Variants in RANBP17 observed in about 807,000 individuals in gnomAD.
The protein encoded by RANBP17 is ran-binding protein 17.
In RANBP17, 158 loss-of-function variants were observed where a neutral mutation model predicts 141.2. The observed-to-expected ratio is 1.12, with a 90% CI of 0.98 to 1.28. The LOEUF (loss-of-function observed/expected upper bound fraction) is 1.28. Ranked by LOEUF, RANBP17 falls within the 50% of genes most tolerant of loss-of-function variation. RANBP17 has a pLI of 0.00. For synonymous variants in RANBP17, 430 were observed against 450.0 expected, an observed-to-expected ratio of 0.96 and a Z score of 0.56; for missense variants, 1,438 against 1,290.7, an observed-to-expected ratio of 1.11 and a Z score of -1.75.
At chr5:170,914,654 C>A (rs1300741044) in intron 8 of RANBP17, among the ~76,000 whole-genome samples, 1 of 152,176 alleles carries the variant, frequency 6.6e-6, no homozygotes, top group Admixed American at 6.5e-5. Context: ...CTGTCCCCTT[C>A]AGATCTCTGA....
chr5:170,951,814 A>G (rs184434376), intron 12 of RANBP17, among the ~76,000 whole-genome samples: 2 of 152,062 alleles, frequency 1.3e-5, no homozygotes, highest in South Asian at 4.1e-4. Context: ...GAGTTGTGAG[A>G]TTCATCTTTG....
rs934865739 is a variant in RANBP17 at position 171,270,967 on chromosome 5, A to G, written c.2943+5120A>G. ...GGTTGAATTCATCTTACTCTTGTCT[A>G]TTTATCTATTTTGCTCAAATCAACT... On this transcript the variant is annotated intron_variant, in intron 25 of 27. Transcript: ENST00000523189. Among the ~76,000 whole-genome samples the G allele has an allele frequency of 2.0e-5, 3 of 149,660 alleles. No homozygotes were observed. The East Asian group carries it at 5.9e-4, about 30-fold the overall frequency.
intron 4 of RANBP17, among the ~76,000 whole-genome samples, chr5:170,894,855 T>C (rs1356299825): frequency 1.3e-5 from 2 of 152,172 alleles, no homozygotes; most frequent in Non-Finnish European, 2.9e-5. Flanking sequence ...GCCTTCTTCA[T>C]TGAGAAAGAC....
chr5:171,262,568 T>C (rs151048066), intron 24 of RANBP17, among the ~76,000 whole-genome samples: 357 of 152,348 alleles, frequency 2.3e-3, no homozygotes, highest in Non-Finnish European at 4.0e-3. Context: ...CCATGTGATA[T>C]TTGATATAGG....
At chr5:171,242,914 GA>G (rs749128487) in intron 24 of RANBP17, 94 bp downstream of exon 24, 8 of 1,179,340 alleles carry the variant, frequency 6.8e-6, no homozygotes, top group Non-Finnish European at 9.8e-6. Context: ...TACAAAGGGG[GA>G]AAAGATATTG....
chr5:171,055,392 C>G (rs573457756), intron 14 of RANBP17, among the ~76,000 whole-genome samples: 45 of 152,266 alleles, frequency 3.0e-4, no homozygotes, highest in African/African-American at 1.0e-3. Context: ...ATTTTTCTCT[C>G]TCCAGTCTCC....
Position 170,896,055 on chromosome 5 carries a change from T to C in RANBP17, c.429T>C (p.Thr143=), listed in dbSNP as rs1034013331. ...CTTTGTTATTTTCTCCAAAGGGTAC[T>C]GTGGAACACTGCATAATAGGAGTAA... ...IADVKKFLQG[T]VEHCIIGVII... is the part of the protein sequence containing the mutation. The change falls in exon 5 of 28, where the codon ACT becomes ACC. Residue 143 remains threonine, a synonymous_variant. Coordinates refer to ENST00000523189, the MANE Select transcript of RANBP17 (RefSeq NM_022897.5). 1 of 1,599,142 alleles carries C rather than the reference T, an allele frequency of 6.3e-7. No individual in the cohort carries two copies. Among genetic ancestry groups the C allele is most frequent in the Non-Finnish European group, 8.5e-7 (1 of 1,172,718 alleles).
chr5:171,230,530 G>T (rs1764146951), intron 22 of RANBP17, among the ~76,000 whole-genome samples: 1 of 152,150 alleles, frequency 6.6e-6, no homozygotes, highest in Admixed American at 6.5e-5. Context: ...GAAGGCCGAG[G>T]CGTGTGGATC....
chr5:171,151,593 T>C (rs1340561153), intron 14 of RANBP17, among the ~76,000 whole-genome samples: 1 of 152,198 alleles, frequency 6.6e-6, no homozygotes, highest in Non-Finnish European at 1.5e-5. Flanking sequence ...ATATCTGGGC[T>C]ACATTTCTAA....
chr5:170,904,372 A>C, intron 5 of RANBP17: 1 of 188,414 alleles, frequency 5.3e-6, no homozygotes, highest in East Asian at 1.5e-4. Flanking sequence ...TGTTTTTATC[A>C]GCACTCATAC....
chr5:171,252,640 C>T lies in RANBP17; in HGVS notation c.2776+9820C>T, dbSNP rs188104302. On this transcript the variant is annotated intron_variant, in intron 24 of 27. Transcript: ENST00000523189. ...TCATCGATTTACAAAACTCTCTTAC[C>T]AGGTAGTTTTTCCTTTAAAACTTAG... is the stretch of plus-strand genomic sequence containing the variant. 6.6e-6 allele frequency: 9 copies of T among 1,361,838 alleles called. No homozygotes were observed. The Admixed American group carries it at 8.4e-5, about 13-fold the overall frequency. 84.4% of individuals were successfully genotyped at this position (1,361,838 alleles called of 1,614,324 possible).
intron 14 of RANBP17, chr5:170,970,580 GA>G (rs1282787635): frequency 6.6e-6 from 1 of 152,086 alleles, no homozygotes; most frequent in African/African-American, 2.4e-5. Context: ...TCCATTATTG[GA>G]ACGCTAAGCA....
intron 14 of RANBP17, among the ~76,000 whole-genome samples, chr5:170,978,062 A>G (rs908358159): frequency 2.0e-5 from 3 of 152,268 alleles, no homozygotes; most frequent in South Asian, 2.1e-4. Flanking sequence ...TTCAACAAGC[A>G]CTGAAAAAAG....
chr5:171,142,165 T>C (rs1218161252), intron 14 of RANBP17, among the ~76,000 whole-genome samples: 1 of 152,222 alleles, frequency 6.6e-6, no homozygotes, highest in Non-Finnish European at 1.5e-5. Context: ...TTTTTAATGA[T>C]AATAGAGCTT....
At chr5:171,015,989 A>T (rs1465068835) in intron 14 of RANBP17, among the ~76,000 whole-genome samples, 1 of 152,038 alleles carries the variant, frequency 6.6e-6, no homozygotes, top group Non-Finnish European at 1.5e-5. Context: ...GATCCCCTTC[A>T]CATCTCTAGA....
intron 14 of RANBP17, among the ~76,000 whole-genome samples, chr5:171,156,669 A>T (rs1758923731): frequency 6.6e-6 from 1 of 152,198 alleles, no homozygotes; most frequent in African/African-American, 2.4e-5. Flanking sequence ...TTTAAAAGGC[A>T]TGTAATTTAT....
chr5:171,014,973 A>T (rs1379312204), intron 14 of RANBP17, among the ~76,000 whole-genome samples: 2 of 152,112 alleles, frequency 1.3e-5, no homozygotes, highest in Non-Finnish European at 2.9e-5. Flanking sequence ...AATACATTAA[A>T]GAAGTTGTGT....
chr5:171,001,039 C>T lies in RANBP17; in HGVS notation c.1710+32662C>T, dbSNP rs189196906. Among the ~76,000 whole-genome samples the T allele has an allele frequency of 5.9e-3, 898 of 152,208 alleles. 8 individuals carry two copies. The highest frequency in any genetic ancestry group is 0.021 in the African/African-American group (856 of 41,528). ...GCTTGGGCTCAGAGGCCTGACATTC[C>T]TGTCTTCTTATATTAATAAGAAAAG... is the stretch of plus-strand genomic sequence containing the variant. On this transcript the variant is annotated intron_variant, in intron 14 of 27. Transcript: ENST00000523189.
chr5:171,124,413 G>A (rs180824157), intron 14 of RANBP17, among the ~76,000 whole-genome samples: 1 of 152,198 alleles, frequency 6.6e-6, no homozygotes, highest in East Asian at 1.9e-4. Flanking sequence ...AAGGGGAAGA[G>A]ATGGAAAAGT....
Sources: gnomAD v4.1 joint callset for allele counts (sites outside exome capture counted in the v4.1 genomes callset) on GRCh38, gnomAD v4.1.1 for gene constraint, MANE v1.5 for transcripts, NCBI Gene and HGNC (gene_info 2026-07-23, HGNC 2026-07-21) for gene names.